PHLDB3: variants seen among roughly 807,000 people sequenced by gnomAD.
The protein encoded by PHLDB3 is pleckstrin homology-like domain family B member 3.
PHLDB3 carries 86 observed loss-of-function variants against 85.7 expected under a neutral mutation model. The ratio of observed to expected loss-of-function variants is 1.00; its 90% CI spans 0.84 to 1.20. The LOEUF (loss-of-function observed/expected upper bound fraction) is 1.20. Among genes scored for constraint, PHLDB3 ranks in the 50% most tolerant of loss-of-function variants. The pLI, the probability that PHLDB3 is intolerant of heterozygous loss-of-function variation, is 0.00. For synonymous variants in PHLDB3, 376 were observed against 349.8 expected (o/e 1.07, Z -0.83); for missense variants, 995 against 873.0 (o/e 1.14, Z -1.76).
intron 1 of PHLDB3, chr19:43,504,341 C>T: frequency 1.7e-6 from 1 of 591,076 alleles, no homozygotes; most frequent in Non-Finnish European, 3.0e-6. Flanking sequence ...GGAGACGGGA[C>T]CGGAATTTGA....
chr19:43,478,779 G>T (rs1385432283), intron 14 of PHLDB3, among the ~76,000 whole-genome samples: 1 of 152,110 alleles, frequency 6.6e-6, no homozygotes, highest in Non-Finnish European at 1.5e-5. Context: ...GCCAGGTGTG[G>T]TGGCATGAGC....
chr19:43,489,950 T>C (rs762152560), intron 9 of PHLDB3, among the ~76,000 whole-genome samples: 10 of 146,176 alleles, frequency 6.8e-5, no homozygotes, highest in Non-Finnish European at 1.2e-4. Context: ...GTGGTTGCAG[T>C]GAGCCGAGAT....
At chr19:43,478,769 G>T (rs1970977714) in intron 14 of PHLDB3, among the ~76,000 whole-genome samples, 1 of 152,054 alleles carries the variant, frequency 6.6e-6, no homozygotes, top group Non-Finnish European at 1.5e-5. Flanking sequence ...CAAAAAATTA[G>T]CCAGGTGTGG....
chr19:43,495,215 C>T (rs752178294), intron 8 of PHLDB3, 41 bp downstream of exon 8: 3 of 1,582,512 alleles, frequency 1.9e-6, no homozygotes, highest in African/African-American at 1.4e-5. Context: ...ACTTTCAAGT[C>T]TGAGGGAGGA....
intron 2 of PHLDB3, among the ~76,000 whole-genome samples, chr19:43,503,017 C>T (rs557882020): frequency 7.5e-6 from 1 of 133,692 alleles, no homozygotes; most frequent in African/African-American, 2.8e-5. Flanking sequence ...ACTAGAATCA[C>T]TAGATCTTTC....
chr19:43,495,268 C>G lies in PHLDB3; in HGVS notation c.1023G>C (p.Pro341=). The G allele has an allele frequency of 6.2e-7, 1 of 1,613,710 alleles. No individual in the cohort carries two copies. The highest frequency in any genetic ancestry group is 2.2e-5 in the East Asian group (1 of 44,858). The change falls in exon 8 of 16, where the codon CCG becomes CCC. Residue 341 remains proline (P), a synonymous_variant. Transcript: ENST00000292140. The part of the protein sequence containing the change: ...TPGGDFSEPN[P]ALTKLLFTQK... ...AAAATCCCCATACCTTAGTGAGGGCCGGGTTGGGCTCAGAGAAGTCCCCGC... is the reference window on the plus strand; with the variant it reads ...AAAATCCCCATACCTTAGTGAGGGCGGGGTTGGGCTCAGAGAAGTCCCCGC...
At chr19:43,491,559 T>A (rs1349939291) in intron 9 of PHLDB3, among the ~76,000 whole-genome samples, 1 of 152,096 alleles carries the variant, frequency 6.6e-6, no homozygotes, top group African/African-American at 2.4e-5. Flanking sequence ...TGTCATGCAG[T>A]GGTGCGACCT....
chr19:43,495,878 G>C, intron 6 of PHLDB3: 1 of 439,928 alleles, frequency 2.3e-6, no homozygotes. Flanking sequence ...AAAAGACAGA[G>C]ATGTAGACAA....
intron 9 of PHLDB3, among the ~76,000 whole-genome samples, chr19:43,494,295 C>T (rs569544055): frequency 5.9e-5 from 9 of 152,310 alleles, no homozygotes; most frequent in African/African-American, 2.2e-4. Flanking sequence ...CAGGCATGAG[C>T]CACCATGCTG....
At chr19:43,498,503 TGGAA>T (rs1162930085) in intron 4 of PHLDB3, among the ~76,000 whole-genome samples, 8 of 150,106 alleles carry the variant, frequency 5.3e-5, no homozygotes, top group Admixed American at 6.6e-5. Flanking sequence ...GAAGGAATGA[TGGAA>T]GGAAGGAAAG....
chr19:43,478,091 C>A lies in PHLDB3; in HGVS notation c.1744G>T (p.Ala582Ser), dbSNP rs748436929. 6.2e-7 allele frequency: 1 copy of A among 1,613,462 alleles called. No individual in the cohort carries two copies. The highest frequency in any genetic ancestry group is 8.5e-7 in the Non-Finnish European group (1 of 1,179,628). The change falls in exon 15 of 16, where the codon GCC (alanine) becomes TCC (serine). Residue 582 changes from alanine to serine, a missense_variant. Ala to Ser is a moderately conservative substitution (Grantham distance 99). Transcript: ENST00000292140. ...TKLKGVIYFQ[A>S]IEEVYYDHLR... is the part of the protein sequence containing the mutation. ...TGGTCATAATAGACTTCCTCAATGG[C>A]CTGGAAGTAGATGACACCTTTGAGC... is the stretch of plus-strand genomic sequence containing the variant.
rs377268422 is a variant in PHLDB3, at chr19:43,479,424, C to T, written c.1655G>A (p.Arg552Gln). The T allele has an allele frequency of 1.9e-6, 3 of 1,566,622 alleles. No homozygotes were observed. Among genetic ancestry groups the T allele is most frequent in the Non-Finnish European group, 2.6e-6 (3 of 1,156,040 alleles). Residue 552 changes from arginine to glutamine, a missense_variant, in exon 14 of 16, where the codon CGA (arginine) becomes CAA (glutamine). Physicochemically the swap from Arg to Gln is conservative, Grantham distance 43. Coordinates refer to ENST00000292140, the MANE Select transcript of PHLDB3 (RefSeq NM_198850.4). ...GGCTTGGCGGTCAAAGCAGAACCAT[C>T]GCTTCCTCCAGGTCTTGATGCGGCC... is the stretch of plus-strand genomic sequence containing the variant. ...MGGRIKTWRK[R>Q]WFCFDRQARR...
rs1488606338 is a variant in PHLDB3, at chr19:43,503,931, C to A, written c.188G>T (p.Ser63Ile). The change falls in exon 2 of 16, where the codon AGC becomes ATC. Residue 63 changes from serine to isoleucine, a missense_variant. Coordinates refer to ENST00000292140, the MANE Select transcript of PHLDB3 (RefSeq NM_198850.4). Reference sequence around the variant, plus strand: ...CGCGTCGCGGCTGCTCTCAGTGCTGCTGCCTTCTCCCACTTCTTCTTCCTC... The same window carrying A: ...CGCGTCGCGGCTGCTCTCAGTGCTGATGCCTTCTCCCACTTCTTCTTCCTC... ...QAEEEEVGEG[S>I]STESSRDAPE... 8 of 1,613,920 alleles carry A rather than the reference C, an allele frequency of 5.0e-6. No individual in the cohort carries two copies. Among genetic ancestry groups the A allele is most frequent in the Non-Finnish European group, 6.8e-6 (8 of 1,179,810 alleles).
intron 13 of PHLDB3, among the ~76,000 whole-genome samples, chr19:43,480,713 G>A (rs1168639550): frequency 6.6e-6 from 1 of 152,212 alleles, no homozygotes; most frequent in South Asian, 2.1e-4. Flanking sequence ...CTCTCCTGAA[G>A]GGGTAAGTAC....
chr19:43,476,835 C>A (rs1349892836), intron 15 of PHLDB3, among the ~76,000 whole-genome samples: 1 of 152,104 alleles, frequency 6.6e-6, no homozygotes, highest in African/African-American at 2.4e-5. Context: ...TGGCACTGTG[C>A]TTTATACAAG....
At chr19:43,485,929 G>T in intron 13 of PHLDB3, 1 of 964,454 alleles carries the variant, frequency 1.0e-6, no homozygotes, top group Non-Finnish European at 1.2e-6. Context: ...CAGTACTCTG[G>T]GAGGCTGAGG....
chr19:43,496,015 T>A, intron 6 of PHLDB3: 2 of 146,110 alleles, frequency 1.4e-5, no homozygotes, highest in Non-Finnish European at 2.8e-5. Flanking sequence ...CAAGAAAAGC[T>A]CTTTTTTTTT....
Position 43,502,242 on chromosome 19 carries a change from G to A in PHLDB3, c.255C>T (p.Pro85=), listed in dbSNP as rs752683205. The change falls in exon 3 of 16, where the codon CCC becomes CCT. Residue 85 remains proline (P), a synonymous_variant. Coordinates refer to ENST00000292140, the MANE Select transcript of PHLDB3 (RefSeq NM_198850.4). ...TPPIAMAATP[P]ASTSSREGVR... The stretch of plus-strand genomic sequence containing the variant: ...CCCCTTCCCGCGAAGAGGTGGATGC[G>A]GGAGGTGTGGCCGCCATAGCTATCG... 2.6e-6 allele frequency: 4 copies of A among 1,564,042 alleles called. No homozygotes were observed. Among genetic ancestry groups the A allele is most frequent in the Non-Finnish European group, 3.5e-6 (4 of 1,156,548 alleles).
In PHLDB3 at chr19:43,495,525, C is replaced by T. The variant is rs770675743; in HGVS notation, c.921G>A (p.Lys307=). 6.2e-7 allele frequency: 1 copy of T among 1,606,918 alleles called. No homozygotes were observed. Among genetic ancestry groups the T allele is most frequent in the Non-Finnish European group, 8.5e-7 (1 of 1,176,708 alleles). Residue 307 remains lysine, a synonymous_variant, in exon 7 of 16, where the codon AAG becomes AAA. Coordinates refer to ENST00000292140, the MANE Select transcript of PHLDB3 (RefSeq NM_198850.4). ...ACAGGGCCTGAAGGGCCTCCTCCTT[C>T]TTCCGGCTCAACCCCCGGCTCTCGG... The part of the protein sequence containing the change: ...MAAESRGLSR[K]KEEALQALSQ...
Sources: allele counts gnomAD v4.1 joint callset (sites outside exome capture counted in the v4.1 genomes callset), GRCh38; gene constraint gnomAD v4.1.1; transcripts MANE v1.5; gene names NCBI Gene and HGNC (gene_info 2026-07-23, HGNC 2026-07-21).